The following DNAJC1 variants were observed in gnomAD, a reference collection of about 807,000 sequenced individuals.
DNAJC1 encodes the protein DnaJ heat shock protein family (Hsp40) member C1.
Under a neutral mutation model 76.6 loss-of-function variants are expected in DNAJC1, and 58 were observed. The observed-to-expected ratio is 0.76, with a 90% CI of 0.61 to 0.94. The LOEUF is 0.94. DNAJC1 is among the 40% of genes least tolerant of loss of function. The pLI is 0.00. For synonymous variants in DNAJC1, 258 were observed against 267.9 expected (o/e 0.96, Z 0.36); for missense variants, 689 against 677.3 (o/e 1.02, Z -0.19).
At chr10:21,832,094 AG>A (rs59419257) in intron 8 of DNAJC1, among the ~76,000 whole-genome samples, 4,419 of 152,302 alleles carry the variant, frequency 0.029, 101 homozygotes, top group Middle Eastern at 0.065. Flanking sequence ...CTAAGGAAAA[AG>A]AATAACATAG....
chr10:21,840,654 T>C (rs950341758), intron 8 of DNAJC1, among the ~76,000 whole-genome samples: 4 of 152,104 alleles, frequency 2.6e-5, no homozygotes, highest in African/African-American at 9.7e-5. Flanking sequence ...GAAGAATCAA[T>C]ATCGTGAAAA....
intron 1 of DNAJC1, among the ~76,000 whole-genome samples, chr10:21,972,557 A>C (rs1261830720): frequency 6.6e-6 from 1 of 152,044 alleles, no homozygotes; most frequent in African/African-American, 2.4e-5. Flanking sequence ...ATAAGAAAAA[A>C]ATTTGGCCTT....
chr10:21,794,266 C>CAAAA (rs542182948), intron 9 of DNAJC1, among the ~76,000 whole-genome samples: 956 of 53,326 alleles, frequency 0.018, 16 homozygotes, highest in Non-Finnish European at 0.021. Context: ...TTCCTATCTT[C>CAAAA]AAAAAAAAAA....
At chr10:21,770,082 A>G (rs1157951146) in intron 9 of DNAJC1, among the ~76,000 whole-genome samples, 1 of 149,162 alleles carries the variant, frequency 6.7e-6, no homozygotes, top group Non-Finnish European at 1.5e-5. Flanking sequence ...AAATCTAACG[A>G]GTCCATTTTT....
intron 8 of DNAJC1, among the ~76,000 whole-genome samples, chr10:21,874,614 T>C (rs1263529932): frequency 1.3e-5 from 2 of 152,176 alleles, no homozygotes; most frequent in African/African-American, 4.8e-5. Flanking sequence ...TGGTTAGTGG[T>C]TGCCAGAAGA....
rs1590041956 is a variant in DNAJC1, at chr10:21,905,270, A to C, written c.730-658T>G. 2.0e-5 allele frequency among the ~76,000 whole-genome samples: 3 copies of C among 151,912 alleles called. No individual in the cohort carries two copies. The East Asian group carries it at 5.8e-4, about 29-fold the overall frequency. ...TTAGTGGTGTACCAAAAAAAAAAAA[A>C]ACCTAGGTCTTAAATAATGACATAC... On this transcript the variant is annotated intron_variant, in intron 6 of 11. Transcript: ENST00000376980.
At chr10:21,903,182 G>C (rs1836686354) in intron 7 of DNAJC1, among the ~76,000 whole-genome samples, 1 of 152,168 alleles carries the variant, frequency 6.6e-6, no homozygotes, top group African/African-American at 2.4e-5. Flanking sequence ...GCCTCCAAAA[G>C]AGCTGGGATT....
intron 8 of DNAJC1, among the ~76,000 whole-genome samples, chr10:21,859,807 G>A (rs978421246): frequency 4.0e-5 from 6 of 150,672 alleles, no homozygotes; most frequent in Admixed American, 2.0e-4. Flanking sequence ...TTTTTGAGAC[G>A]GAGTCTGGCT....
intron 8 of DNAJC1, among the ~76,000 whole-genome samples, chr10:21,880,679 T>G (rs749570758): frequency 2.6e-5 from 4 of 152,200 alleles, no homozygotes; most frequent in Non-Finnish European, 5.9e-5. Context: ...CGTAAACAGA[T>G]GTGCTGTCAT....
chr10:21,804,421 C>T (rs975168762), intron 9 of DNAJC1, among the ~76,000 whole-genome samples: 5 of 151,906 alleles, frequency 3.3e-5, no homozygotes, highest in Admixed American at 3.3e-4. Context: ...TTGATAATCA[C>T]TGTATTAATA....
chr10:21,843,090 A>G (rs1835599045), intron 8 of DNAJC1, among the ~76,000 whole-genome samples: 1 of 152,214 alleles, frequency 6.6e-6, no homozygotes, highest in South Asian at 2.1e-4. Flanking sequence ...CATCAGAGGT[A>G]TAAAATCCTT....
chr10:21,979,121 A>G (rs896130170), intron 1 of DNAJC1, among the ~76,000 whole-genome samples: 1 of 151,824 alleles, frequency 6.6e-6, no homozygotes, highest in African/African-American at 2.4e-5. Context: ...TCTTGCAATT[A>G]AAGACAAAAC....
At chr10:21,966,653 A>G (rs1837894163) in intron 1 of DNAJC1, among the ~76,000 whole-genome samples, 1 of 150,394 alleles carries the variant, frequency 6.6e-6, no homozygotes, top group Non-Finnish European at 1.5e-5. Context: ...CAAGCTAACT[A>G]CTGAGTTCTT....
At chr10:21,940,516 G>A (rs1472123901) in intron 1 of DNAJC1, among the ~76,000 whole-genome samples, 1 of 152,160 alleles carries the variant, frequency 6.6e-6, no homozygotes, top group African/African-American at 2.4e-5. Flanking sequence ...CAATAAGAAT[G>A]ATTTCTTGAC....
At chr10:21,809,652 T>C (rs557157324) in intron 8 of DNAJC1, among the ~76,000 whole-genome samples, 4 of 151,936 alleles carry the variant, frequency 2.6e-5, no homozygotes, top group East Asian at 3.9e-4. Context: ...TGGGATGAGA[T>C]TGGATGTCTA....
chr10:21,945,430 T>C (rs1313628972), intron 1 of DNAJC1, among the ~76,000 whole-genome samples: 2 of 152,182 alleles, frequency 1.3e-5, no homozygotes, highest in African/African-American at 2.4e-5. Flanking sequence ...ATGAGAAAGA[T>C]ATAGTTGAGA....
At chr10:22,001,785 G>C (rs1838522658) in intron 1 of DNAJC1, among the ~76,000 whole-genome samples, 1 of 152,156 alleles carries the variant, frequency 6.6e-6, no homozygotes, top group Non-Finnish European at 1.5e-5. Flanking sequence ...CGTACAGAAT[G>C]TAATCAATGA....
intron 1 of DNAJC1, among the ~76,000 whole-genome samples, chr10:21,942,672 G>A (rs954006433): frequency 2.6e-5 from 4 of 151,874 alleles, no homozygotes; most frequent in Admixed American, 1.3e-4. Context: ...CGGGTGTGGC[G>A]GCGTGTGCCA....
chr10:21,762,229 G>A (rs996129632), intron 10 of DNAJC1, among the ~76,000 whole-genome samples: 3 of 152,148 alleles, frequency 2.0e-5, no homozygotes, highest in Admixed American at 6.5e-5. Flanking sequence ...GAGCCACCAC[G>A]CCCAGCCGAA....
Sources: gnomAD v4.1 joint callset for allele counts (sites outside exome capture counted in the v4.1 genomes callset) on GRCh38, gnomAD v4.1.1 for gene constraint, MANE v1.5 for transcripts, NCBI Gene and HGNC (gene_info 2026-07-23, HGNC 2026-07-21) for gene names.